Variants in USP5 observed in about 807,000 individuals in gnomAD.
USP5 encodes ubiquitin carboxyl-terminal hydrolase 5.
USP5 carries 24 observed loss-of-function variants against 102.5 expected under a neutral mutation model. That is an observed-to-expected ratio of 0.23 (90% confidence interval 0.17 to 0.33). USP5 has a LOEUF of 0.33. Among genes scored for constraint, USP5 ranks in the 10% least tolerant of loss-of-function variants. The pLI, the probability that USP5 is intolerant of heterozygous loss-of-function variation, is 1.00. For synonymous variants in USP5, 460 were observed against 434.8 expected (o/e 1.06, Z -0.72); for missense variants, 753 against 1,122.1 (o/e 0.67, Z 4.70).
rs1555129928 is a variant in USP5 at position 6,863,226 on chromosome 12, G to A, written c.1803G>A (p.Gln601=). Residue 601 remains glutamine, a synonymous_variant, in exon 15 of 20, where the codon CAG becomes CAA. Coordinates refer to ENST00000229268, the MANE Select transcript of USP5 (RefSeq NM_001098536.2). The surrounding 1 kb of genome is among the most constrained non-coding windows in gnomAD (Gnocchi z 4.7). ...IEMPEELDIS[Q]LRGTGLQPGE... is the part of the protein sequence containing the mutation. ...TGCCAGAGGAGCTCGACATCTCCCA[G>A]TTGAGGGGCACAGGGCTGCAGCCCG... The A allele has an allele frequency of 3.7e-6, 6 of 1,613,964 alleles. 1 individual carries two copies. In the African/African-American group the frequency reaches 4.0e-5, roughly 11 times the overall value.
intron 7 of USP5, 67 bp downstream of exon 7, chr12:6,857,790 G>A: frequency 1.3e-6 from 2 of 1,525,454 alleles, no homozygotes; most frequent in South Asian, 1.1e-5. Context: ...CTCTTTGCCT[G>A]AGGCTGAGGT....
rs370387076 is a variant in USP5, at chr12:6,855,521, C to T, written c.232C>T (p.Arg78Cys). The T allele has an allele frequency of 4.3e-6, 7 of 1,613,972 alleles. No individual in the cohort carries two copies. The highest frequency in any genetic ancestry group is 4.2e-6 in the Non-Finnish European group (5 of 1,180,038). ...CTACTTGCACCTCCGGCGGACCCGG[C>T]GCCCGGTAGGAGCAGGGCTGGGGCA... Reference protein sequence around the residue: ...RVYLHLRRTRRPKEEDPATGT... With the variant: ...RVYLHLRRTRCPKEEDPATGT... Residue 78 changes from arginine to cysteine, a missense_variant, in exon 2 of 20, where the codon CGC becomes TGC. Arg to Cys is a radical substitution (Grantham distance 180, BLOSUM62 -3). Transcript: ENST00000229268. This position sits in a 1 kb window ranked among gnomAD's most constrained non-coding sequence, Gnocchi z 4.6.
At chr12:6,862,301 C>T (rs1473339704) in intron 13 of USP5, among the ~76,000 whole-genome samples, 169 bp from the exon 14 acceptor site, 2 of 152,126 alleles carry the variant, frequency 1.3e-5, no homozygotes, top group Non-Finnish European at 2.9e-5. Context: ...TACTGCTCCT[C>T]GTTGGCCGAG....
chr12:6,852,771 C>G (rs1169704168), intron 1 of USP5, among the ~76,000 whole-genome samples: 1 of 152,154 alleles, frequency 6.6e-6, no homozygotes, highest in Non-Finnish European at 1.5e-5. Context: ...GGAGTGGACT[C>G]TCAAGAAGTC....
At position 6,856,596 on chromosome 12, in the gene USP5, G is replaced by A. The variant is rs1565530229; in HGVS notation, c.585-111G>A. On this transcript the variant is annotated intron_variant, in intron 5 of 19. Coordinates refer to ENST00000229268, the MANE Select transcript of USP5 (RefSeq NM_001098536.2). The surrounding 1 kb of genome is among the most constrained non-coding windows in gnomAD (Gnocchi z 5.6). ...GAACACGACATGGGGATGGCCAGAG[G>A]AGAAGAGAGAGAGACCTTGGATTGG... is the stretch of plus-strand genomic sequence containing the variant. 1 of 1,534,968 alleles carries A rather than the reference G, an allele frequency of 6.5e-7. No homozygotes were observed. Among genetic ancestry groups the A allele is most frequent in the South Asian group, 1.2e-5 (1 of 82,184 alleles).
rs1377794989 is a variant in USP5 at position 6,864,626 on chromosome 12, T to G, written c.2245-96T>G. The G allele has an allele frequency of 7.1e-7, 1 of 1,399,086 alleles. No individual in the cohort carries two copies. Among genetic ancestry groups the G allele is most frequent in the African/African-American group, 1.4e-5 (1 of 70,366 alleles). 86.7% of individuals were successfully genotyped at this position (1,399,086 alleles called of 1,614,324 possible). A position where few individuals can be genotyped will look rare whatever the true frequency, so the allele number is the denominator to read the frequency against. On this transcript the variant is annotated intron_variant, in intron 17 of 19. Coordinates refer to ENST00000229268, the MANE Select transcript of USP5 (RefSeq NM_001098536.2). This position sits in a 1 kb window ranked among gnomAD's most constrained non-coding sequence, Gnocchi z 4.8. ...AAGGCGTGAACCCGGGAGGCGGAGC[T>G]TGCAGTGAGCCGAGATCGCGCCACT...
chr12:6,861,142 G>C lies in USP5; in HGVS notation c.1498+36G>C. The C allele has an allele frequency of 6.2e-7, 1 of 1,611,822 alleles. No homozygotes were observed. The highest frequency in any genetic ancestry group is 8.5e-7 in the Non-Finnish European group (1 of 1,179,002). On this transcript the variant is annotated intron_variant, in intron 12 of 19. Transcript: ENST00000229268. The surrounding 1 kb of genome is among the most constrained non-coding windows in gnomAD (Gnocchi z 4.9). ...CCATCAGCAAGGCCGTGGCACGGTGGGAGGCTAAGGTCTAGGAGGAATGCT... is the reference window on the plus strand; with the variant it reads ...CCATCAGCAAGGCCGTGGCACGGTGCGAGGCTAAGGTCTAGGAGGAATGCT...
In USP5 at chr12:6,861,351, A is replaced by G. The variant is rs1329940945; in HGVS notation, c.1499-92A>G. ...AGGGGTGCTTTGGAAGGGTAGAGGA[A>G]CTGAAATACGGACACAGAGCCAGTA... On this transcript the variant is annotated intron_variant, in intron 12 of 19. Transcript: ENST00000229268. This position sits in a 1 kb window ranked among gnomAD's most constrained non-coding sequence, Gnocchi z 4.9. The G allele has an allele frequency of 5.6e-6, 8 of 1,437,932 alleles. No individual in the cohort carries two copies. The South Asian group carries it at 6.8e-5, about 12-fold the overall frequency. 89.1% of individuals were successfully genotyped at this position (1,437,932 alleles called of 1,614,324 possible). A position where few individuals can be genotyped will look rare whatever the true frequency, so the allele number is the denominator to read the frequency against.
rs782755739 is a variant in USP5 at position 6,855,566 on chromosome 12, G to C, written c.237+40G>C. 4 of 1,609,118 alleles carry C rather than the reference G, an allele frequency of 2.5e-6. No homozygotes were observed. The highest frequency in any genetic ancestry group is 3.4e-6 in the Non-Finnish European group (4 of 1,178,204). ...GGGGCAAGGCCTGGGTACATTGTCT[G>C]TTCCATTCTGACCTCCTATTGGACT... is the stretch of plus-strand genomic sequence containing the variant. On this transcript the variant is annotated intron_variant, in intron 2 of 19. Transcript: ENST00000229268. The surrounding 1 kb of genome is among the most constrained non-coding windows in gnomAD (Gnocchi z 4.6).
chr12:6,853,909 A>G (rs1944029572), intron 1 of USP5, among the ~76,000 whole-genome samples: 3 of 152,124 alleles, frequency 2.0e-5, no homozygotes, highest in African/African-American at 7.2e-5. Context: ...TACCTTAGAC[A>G]GTGCACTATT....
chr12:6,852,540 C>T (rs927256564), intron 1 of USP5, among the ~76,000 whole-genome samples: 7 of 152,298 alleles, frequency 4.6e-5, no homozygotes, highest in African/African-American at 1.4e-4. Context: ...TAGTCACTCA[C>T]TGCCTTCGTT....
chr12:6,852,841 G>A (rs927390690), intron 1 of USP5, among the ~76,000 whole-genome samples: 1 of 152,208 alleles, frequency 6.6e-6, no homozygotes, highest in Admixed American at 6.5e-5. Flanking sequence ...GGGGCGGGGA[G>A]GGGAGGAAAG....
At chr12:6,865,336 AAG>A (rs1555130605) in intron 19 of USP5, 88 bp downstream of exon 19, 89 of 1,235,100 alleles carry the variant, frequency 7.2e-5, no homozygotes, top group Non-Finnish European at 1.0e-4. Context: ...GCTATGGGAG[AAG>A]GTGAAGGGAC....
Position 6,861,112 on chromosome 12 carries a change from C to T in USP5, c.1498+6C>T. On this transcript the variant is annotated splice_donor_region_variant and intron_variant, in intron 12 of 19. Coordinates refer to ENST00000229268, the MANE Select transcript of USP5 (RefSeq NM_001098536.2). The surrounding 1 kb of genome is among the most constrained non-coding windows in gnomAD (Gnocchi z 4.9). ...GGATGCAGCCCTTAACAAAGGTAGG[C>T]TGCTCCATCAGCAAGGCCGTGGCAC... 6.2e-7 allele frequency: 1 copy of T among 1,613,896 alleles called. No individual in the cohort carries two copies. Among genetic ancestry groups the T allele is most frequent in the African/African-American group, 1.3e-5 (1 of 75,032 alleles).
Position 6,863,806 on chromosome 12 carries a change from G to T in USP5, c.1955-24G>T. ...AAACAGTGGCCCAATCAGTCGGTCC[G>T]TGTACCCACAATTCCCATTACAGCG... On this transcript the variant is annotated intron_variant, in intron 15 of 19. Coordinates refer to ENST00000229268, the MANE Select transcript of USP5 (RefSeq NM_001098536.2). This position sits in a 1 kb window ranked among gnomAD's most constrained non-coding sequence, Gnocchi z 4.7. 6.4e-7 allele frequency: 1 copy of T among 1,551,666 alleles called. No individual in the cohort carries two copies. Among genetic ancestry groups the T allele is most frequent in the South Asian group, 1.2e-5 (1 of 81,884 alleles).
At chr12:6,857,040 C>T in intron 6 of USP5, 149 bp downstream of exon 6, 3 of 1,079,688 alleles carry the variant, frequency 2.8e-6, no homozygotes, top group Non-Finnish European at 3.9e-6. Context: ...AATCCCAACA[C>T]TTTGGGAGGC....
Position 6,866,381 on chromosome 12 carries a change from CCTGGTGTGGAGGGAGGGGTCTCGT to C in USP5, c.*305_*328del. The C allele has an allele frequency of 2.7e-6, 1 of 371,752 alleles. No homozygotes were observed. Among genetic ancestry groups the C allele is most frequent in the Non-Finnish European group, 5.1e-6 (1 of 197,416 alleles). 23.0% of individuals were successfully genotyped at this position (371,752 alleles called of 1,614,324 possible). On this transcript the variant is annotated 3_prime_UTR_variant, in exon 20 of 20. Transcript: ENST00000229268. This position sits in a 1 kb window ranked among gnomAD's most constrained non-coding sequence, Gnocchi z 4.7. ...TTCTCTGTGTCGCCCCGCCCAGCCC[CCTGGTGTGGAGGGAGGGGTCTCGT>C]TTGTGCGCGTGGGTGTAGCTTTGTG...
At chr12:6,854,088 GC>G (rs1459701912) in intron 1 of USP5, among the ~76,000 whole-genome samples, 7 of 152,220 alleles carry the variant, frequency 4.6e-5, no homozygotes, top group Non-Finnish European at 1.0e-4. Context: ...AACTTGGTCA[GC>G]TTTGGGGGAA....
At position 6,864,448 on chromosome 12, in the gene USP5, G is replaced by A. The variant is rs1311939648; in HGVS notation, c.2244+253G>A. Among the ~76,000 whole-genome samples the A allele has an allele frequency of 6.6e-6, 1 of 152,220 alleles. No homozygotes were observed. The highest frequency in any genetic ancestry group is 1.9e-4 in the East Asian group (1 of 5,196). ...CTCACGCCTGTAATCCCAGCACTTT[G>A]GGAGGGTGAGGTGGGCGGATCACGC... On this transcript the variant is annotated intron_variant, in intron 17 of 19. Transcript: ENST00000229268. The surrounding 1 kb of genome is among the most constrained non-coding windows in gnomAD (Gnocchi z 4.8).
Sources: allele counts gnomAD v4.1 joint callset (sites outside exome capture counted in the v4.1 genomes callset), GRCh38; gene constraint gnomAD v4.1.1; non-coding constraint Gnocchi (gnomAD v3.1); transcripts MANE v1.5; gene names NCBI Gene and HGNC (gene_info 2026-07-23, HGNC 2026-07-21).